Variants in MAN2B1 observed in about 807,000 individuals in gnomAD.
The protein encoded by MAN2B1 is lysosomal alpha-mannosidase.
Under a neutral mutation model 127.5 loss-of-function variants are expected in MAN2B1, and 99 were observed. That is an observed-to-expected ratio of 0.78 (90% CI 0.66 to 0.92). The LOEUF is 0.92. Among genes scored for constraint, MAN2B1 ranks in the 40% least tolerant of loss-of-function variants. The probability of loss-of-function intolerance (pLI) is 0.00; values close to 1 mark genes in which losing one functional copy is unlikely to be tolerated. For missense variants in MAN2B1, 1,304 were observed against 1,384.8 expected (o/e 0.94, Z 0.93); for synonymous variants, 573 against 568.8 (o/e 1.01, Z -0.11).
At chr19:12,654,045 T>C (rs2023904597) in intron 14 of MAN2B1, among the ~76,000 whole-genome samples, 1 of 150,174 alleles carries the variant, frequency 6.7e-6, no homozygotes, top group Admixed American at 6.6e-5. Flanking sequence ...TCTTTTTTTT[T>C]CTTTTTTTTT....
At chr19:12,648,611 T>C (rs1021516863) in intron 20 of MAN2B1, among the ~76,000 whole-genome samples, 2 of 152,076 alleles carry the variant, frequency 1.3e-5, no homozygotes, top group Non-Finnish European at 2.9e-5. Flanking sequence ...GGTAAATGCC[T>C]AACAGGGGGG....
chr19:12,653,173 C>G (rs1328718818), intron 14 of MAN2B1, among the ~76,000 whole-genome samples: 1 of 129,722 alleles, frequency 7.7e-6, no homozygotes, highest in African/African-American at 3.0e-5. Flanking sequence ...GACTGAGTCT[C>G]GCTCTATCGC....
chr19:12,665,798 G>A lies in MAN2B1; in HGVS notation c.167C>T (p.Pro56Leu). 1 of 1,613,328 alleles carries A rather than the reference G, an allele frequency of 6.2e-7. No homozygotes were observed. The highest frequency in any genetic ancestry group is 8.5e-7 in the Non-Finnish European group (1 of 1,179,596). Residue 56 changes from proline to leucine, a missense_variant, in exon 2 of 24, where the codon CCC becomes CTC. Physicochemically the swap from Pro to Leu is moderately conservative, Grantham distance 98. Coordinates refer to ENST00000456935, the MANE Select transcript of MAN2B1 (RefSeq NM_000528.4). ...GTTCAGCATGTTCGGCTGCACTGTG[G>A]GGCATGTCTGCACAGGGACCCCAAA... ...GARAGGYETCPTVQPNMLNVH... is the reference protein window; with the variant it reads ...GARAGGYETCLTVQPNMLNVH...
At chr19:12,665,160 G>A (rs2024198772) in intron 3 of MAN2B1, 175 bp from the exon 4 acceptor site, 3 of 1,023,362 alleles carry the variant, frequency 2.9e-6, no homozygotes, top group East Asian at 2.4e-5. Context: ...TGCATGGCAG[G>A]CTTCCCAGAG....
chr19:12,661,418 C>G, intron 6 of MAN2B1, 42 bp from the exon 7 acceptor site: 1 of 1,308,148 alleles, frequency 7.6e-7, no homozygotes, highest in African/African-American at 1.5e-5. Context: ...GGATCCTGGG[C>G]CATCCCTGTG....
In MAN2B1 at chr19:12,647,553, T is replaced by G; in HGVS notation, c.2710A>C (p.Thr904Pro). The G allele has an allele frequency of 6.2e-7, 1 of 1,613,872 alleles. No homozygotes were observed. The highest frequency in any genetic ancestry group is 1.1e-5 in the South Asian group (1 of 91,072). ...ATTTCGGGGCCCCAGCTGGCCAGCG[T>G]GAGCAGGTGCACCGAGGGCGGCAGG... ...RDLPPSVHLLTLASWGPEMVL... is the reference protein window; with the variant it reads ...RDLPPSVHLLPLASWGPEMVL... Residue 904 changes from threonine to proline, a missense_variant, in exon 22 of 24, where the codon ACG (threonine) becomes CCG (proline). Thr to Pro is a conservative substitution (Grantham distance 38). Transcript: ENST00000456935. This position sits in a 1 kb window ranked among gnomAD's most constrained non-coding sequence, Gnocchi z 4.9.
At chr19:12,649,831 T>A in intron 18 of MAN2B1, 82 bp downstream of exon 18, 4 of 1,183,748 alleles carry the variant, frequency 3.4e-6, no homozygotes, top group Non-Finnish European at 5.1e-6. Flanking sequence ...CCCACACTCA[T>A]GTAATCAGCA....
intron 21 of MAN2B1, 150 bp downstream of exon 21, chr19:12,648,025 G>A: frequency 2.5e-6 from 2 of 806,644 alleles, no homozygotes; most frequent in Non-Finnish European, 4.1e-6. Context: ...GGCACTGGGC[G>A]GGGACTGCCC....
chr19:12,666,666 A>G lies in MAN2B1; in HGVS notation c.36T>C (p.Ala12=). Residue 12 remains alanine (A), a synonymous_variant, in exon 1 of 24, where the codon GCT becomes GCC. Transcript: ENST00000456935. ...GGCCTGCTGAGTCCAGGCAGCCGCG[A>G]GCGCAGACCCCCGAAGCCCGCGCGT... The part of the protein sequence containing the change: ...GAYARASGVC[A]RGCLDSAGPW... The G allele has an allele frequency of 1.3e-6, 2 of 1,552,172 alleles. No homozygotes were observed. The highest frequency in any genetic ancestry group is 1.7e-6 in the Non-Finnish European group (2 of 1,148,006).
chr19:12,647,635 CG>C lies in MAN2B1; in HGVS notation c.2665-38del. 5 of 1,072,472 alleles carry C rather than the reference CG, an allele frequency of 4.7e-6. No individual in the cohort carries two copies. The highest frequency in any genetic ancestry group is 3.0e-4 in the Middle Eastern group (1 of 3,296). The allele number at this position is 1,072,472 out of a possible 1,614,324, so 66.4% of individuals were successfully genotyped here. The stretch of plus-strand genomic sequence containing the variant: ...AGGGCGGGGCTGAGTTGGAGAGGGG[CG>C]GGGCCTGGATGGAGAAGGGCGGGGC... On this transcript the variant is annotated intron_variant, in intron 21 of 23. Transcript: ENST00000456935. This position sits in a 1 kb window ranked among gnomAD's most constrained non-coding sequence, Gnocchi z 4.9.
At chr19:12,658,784 T>C (rs2024036219) in intron 7 of MAN2B1, 3 of 485,530 alleles carry the variant, frequency 6.2e-6, no homozygotes, top group Admixed American at 3.3e-5. Flanking sequence ...TAAAAACTTT[T>C]GTGGAAAAAC....
At chr19:12,648,866 G>T (rs1363749033) in intron 20 of MAN2B1, among the ~76,000 whole-genome samples, 4 of 152,186 alleles carry the variant, frequency 2.6e-5, no homozygotes, top group Non-Finnish European at 5.9e-5. Flanking sequence ...GTGATGGTGT[G>T]TGCCTGTAAG....
intron 6 of MAN2B1, among the ~76,000 whole-genome samples, chr19:12,662,960 A>T (rs1453510045): frequency 6.7e-6 from 1 of 149,438 alleles, no homozygotes; most frequent in African/African-American, 2.5e-5. Context: ...ATAATAATAA[A>T]TAAATAAAAA....
intron 20 of MAN2B1, among the ~76,000 whole-genome samples, chr19:12,648,838 T>C (rs376780626): frequency 1.3e-5 from 2 of 152,138 alleles, no homozygotes; most frequent in East Asian, 3.9e-4. Context: ...CTACTAAAAA[T>C]ACCAAAATTA....
intron 16 of MAN2B1, among the ~76,000 whole-genome samples, chr19:12,650,756 C>T (rs186006723): frequency 6.2e-4 from 94 of 151,770 alleles, no homozygotes; most frequent in African/African-American, 2.0e-3. Flanking sequence ...CTGCAACCTC[C>T]GCCTCCTGGG....
At chr19:12,649,583 G>A (rs911800493) in intron 18 of MAN2B1, among the ~76,000 whole-genome samples, 155 bp from the exon 19 acceptor site, 2 of 145,618 alleles carry the variant, frequency 1.4e-5, no homozygotes, top group Non-Finnish European at 3.0e-5. Context: ...CCGGCTTCAC[G>A]CCATTCTCCT....
chr19:12,658,403 C>T, intron 8 of MAN2B1, 25 bp downstream of exon 8: 1 of 1,614,260 alleles, frequency 6.2e-7, no homozygotes. Context: ...CCAACCCCCC[C>T]AAGCTCCCCA....
chr19:12,663,624 C>T (rs2024160001), intron 5 of MAN2B1, 79 bp downstream of exon 5: 1 of 1,552,448 alleles, frequency 6.4e-7, no homozygotes, highest in Admixed American at 1.9e-5. Context: ...AGGACAGTGA[C>T]AACAGAGCAG....
intron 14 of MAN2B1, among the ~76,000 whole-genome samples, chr19:12,652,840 ATT>A (rs68156140): frequency 4.7e-5 from 7 of 148,002 alleles, no homozygotes; most frequent in Non-Finnish European, 7.5e-5. Context: ...CCGGATTTTT[ATT>A]TTTTTTTTTT....
Sources: gnomAD v4.1 joint callset for allele counts (sites outside exome capture counted in the v4.1 genomes callset) on GRCh38, gnomAD v4.1.1 for gene constraint, Gnocchi (gnomAD v3.1) non-coding constraint, MANE v1.5 for transcripts, NCBI Gene and HGNC (gene_info 2026-07-23, HGNC 2026-07-21) for gene names.